MACROD2: variants seen among roughly 807,000 people sequenced by gnomAD.
The protein encoded by MACROD2 is mono-ADP ribosylhydrolase 2.
A neutral mutation model predicts 70.4 loss-of-function variants in MACROD2; 36 were observed. That is an observed-to-expected ratio of 0.51 (90% CI 0.39 to 0.68). The LOEUF (loss-of-function observed/expected upper bound fraction) is 0.68. Ranked by LOEUF, MACROD2 falls within the 30% of genes least tolerant of loss-of-function variation. The pLI, the probability that MACROD2 is intolerant of heterozygous loss-of-function variation, is 0.00. For missense variants in MACROD2, 496 were observed against 538.4 expected (o/e 0.92, Z 0.78); for synonymous variants, 172 against 178.8 (o/e 0.96, Z 0.30).
intron 5 of MACROD2, among the ~76,000 whole-genome samples, chr20:14,892,061 C>G (rs1335858233): frequency 6.6e-6 from 1 of 152,150 alleles, no homozygotes; most frequent in African/African-American, 2.4e-5. Context: ...TCTATTTACT[C>G]TCCTGGATTG....
chr20:15,361,535 T>A (rs1229728685), intron 6 of MACROD2, among the ~76,000 whole-genome samples: 3 of 152,224 alleles, frequency 2.0e-5, no homozygotes, highest in African/African-American at 7.2e-5. Flanking sequence ...TTCATCATTG[T>A]CTATTCTAGT....
intron 6 of MACROD2, among the ~76,000 whole-genome samples, chr20:15,400,914 A>C (rs1450901589): frequency 6.6e-6 from 1 of 152,186 alleles, no homozygotes; most frequent in Admixed American, 6.5e-5. Flanking sequence ...AGGGAAGAGA[A>C]ATGACAGAAG....
intron 12 of MACROD2, among the ~76,000 whole-genome samples, chr20:15,960,109 C>T (rs1317704567): frequency 1.3e-5 from 2 of 152,180 alleles, no homozygotes; most frequent in African/African-American, 2.4e-5. Context: ...TAGCCATCCA[C>T]TCAAAGAGCT....
At chr20:14,848,800 G>A (rs7274631) in intron 5 of MACROD2, among the ~76,000 whole-genome samples, 4 of 151,838 alleles carry the variant, frequency 2.6e-5, no homozygotes, top group East Asian at 1.9e-4. Flanking sequence ...TTATATAATC[G>A]GATTTTCATC....
intron 17 of MACROD2, among the ~76,000 whole-genome samples, chr20:16,046,613 GA>G (rs1467043311): frequency 1.1e-4 from 16 of 145,908 alleles, no homozygotes; most frequent in Admixed American, 2.7e-4. Context: ...ATATCAAAAT[GA>G]TATTTTTCTT....
chr20:14,046,026 G>A (rs1262528948), intron 2 of MACROD2, among the ~76,000 whole-genome samples: 2 of 152,134 alleles, frequency 1.3e-5, no homozygotes, highest in South Asian at 4.1e-4. Flanking sequence ...GTATGAAATT[G>A]AAATTTCAGA....
At chr20:14,784,501 T>C (rs1411255349) in intron 5 of MACROD2, among the ~76,000 whole-genome samples, 1 of 152,100 alleles carries the variant, frequency 6.6e-6, no homozygotes, top group Non-Finnish European at 1.5e-5. Flanking sequence ...TTCATAGACA[T>C]CTCTGTTTCT....
intron 3 of MACROD2, among the ~76,000 whole-genome samples, chr20:14,447,540 T>A (rs1381155244): frequency 6.6e-6 from 1 of 151,798 alleles, no homozygotes; most frequent in Non-Finnish European, 1.5e-5. Context: ...ACACTGCCTA[T>A]AGGAAGAGGC....
chr20:14,769,700 G>A (rs918963465), intron 5 of MACROD2, among the ~76,000 whole-genome samples: 1 of 152,006 alleles, frequency 6.6e-6, no homozygotes, highest in Non-Finnish European at 1.5e-5. Context: ...ATACACATCT[G>A]GTTGAGATCA....
At chr20:15,295,322 T>A (rs2077576241) in intron 6 of MACROD2, among the ~76,000 whole-genome samples, 1 of 152,188 alleles carries the variant, frequency 6.6e-6, no homozygotes, top group South Asian at 2.1e-4. Context: ...AATAGACTAA[T>A]ACACTTTGAC....
intron 6 of MACROD2, among the ~76,000 whole-genome samples, chr20:15,261,799 G>A (rs1392724093): frequency 6.6e-6 from 1 of 151,930 alleles, no homozygotes; most frequent in Non-Finnish European, 1.5e-5. Flanking sequence ...TAGCCACTTA[G>A]CTTTAATTGG....
chr20:15,554,516 A>C (rs1416270872), intron 8 of MACROD2, among the ~76,000 whole-genome samples: 1 of 151,800 alleles, frequency 6.6e-6, no homozygotes, highest in Non-Finnish European at 1.5e-5. Context: ...TTGGCTTTAG[A>C]ACCTATACAT....
At chr20:14,245,992 A>T (rs2081965814) in intron 3 of MACROD2, among the ~76,000 whole-genome samples, 1 of 152,224 alleles carries the variant, frequency 6.6e-6, no homozygotes, top group Non-Finnish European at 1.5e-5. Flanking sequence ...CTATCCATTT[A>T]AAGCTCTGGA....
At chr20:14,250,937 G>C (rs1477265465) in intron 3 of MACROD2, among the ~76,000 whole-genome samples, 1 of 152,082 alleles carries the variant, frequency 6.6e-6, no homozygotes, top group African/African-American at 2.4e-5. Flanking sequence ...TCATGGAACA[G>C]AAAAGTTCTA....
chr20:14,154,589 T>G (rs1239430185), intron 3 of MACROD2, among the ~76,000 whole-genome samples: 1 of 38,276 alleles, frequency 2.6e-5, no homozygotes, highest in East Asian at 7.1e-4. Flanking sequence ...TTTTTTTGGA[T>G]TTTTAGTAAA....
At chr20:15,805,856 A>G (rs1482976237) in intron 8 of MACROD2, among the ~76,000 whole-genome samples, 1 of 152,228 alleles carries the variant, frequency 6.6e-6, no homozygotes, top group East Asian at 1.9e-4. Context: ...GGAGGAGCAA[A>G]GAGGAGGGAG....
At chr20:14,889,233 C>G (rs1203095851) in intron 5 of MACROD2, among the ~76,000 whole-genome samples, 1 of 152,002 alleles carries the variant, frequency 6.6e-6, no homozygotes, top group East Asian at 1.9e-4. Flanking sequence ...TACTACTGGC[C>G]AAAGGTTGTT....
In MACROD2 at chr20:15,998,364, C is replaced by CA. The variant is rs2066660640; in HGVS notation, c.1153+11206_1153+11207insA. Among the ~76,000 whole-genome samples the CA allele has an allele frequency of 2.0e-5, 3 of 152,200 alleles. No homozygotes were observed. The South Asian group carries it at 6.2e-4, about 32-fold the overall frequency. On this transcript the variant is annotated intron_variant, in intron 15 of 17. Coordinates refer to ENST00000684519, the MANE Select transcript of MACROD2 (RefSeq NM_001351661.2). ...ACTATTTTGATCTCTTTACTCATTA[C>CA]TAGTCTATTCAGATATTCTGTTTCT...
chr20:15,772,796 A>G (rs1367725581), intron 8 of MACROD2, among the ~76,000 whole-genome samples: 1 of 152,104 alleles, frequency 6.6e-6, no homozygotes, highest in East Asian at 1.9e-4. Flanking sequence ...TCAAGAACTT[A>G]CTCATATAAT....
Sources: allele counts gnomAD v4.1 joint callset (sites outside exome capture counted in the v4.1 genomes callset), GRCh38; gene constraint gnomAD v4.1.1; transcripts MANE v1.5; gene names NCBI Gene and HGNC (gene_info 2026-07-23, HGNC 2026-07-21).